The following ZNF510 variants were observed in gnomAD, a reference collection of about 807,000 sequenced individuals.
The protein encoded by ZNF510 is zinc finger protein 510.
In ZNF510, 15 loss-of-function variants were observed where a neutral mutation model predicts 18.1. The ratio of observed to expected loss-of-function variants is 0.83; its 90% confidence interval spans 0.55 to 1.28. The LOEUF (loss-of-function observed/expected upper bound fraction) is 1.28. Ranked by LOEUF, ZNF510 falls within the 50% of genes most tolerant of loss-of-function variation. The probability of loss-of-function intolerance (pLI) is 0.00; values close to 1 mark genes in which losing one functional copy is unlikely to be tolerated. For synonymous variants in ZNF510, 261 were observed against 266.4 expected (o/e 0.98, Z 0.20); for missense variants, 724 against 791.8 (o/e 0.91, Z 1.03).
chr9:96,765,412 T>G lies in ZNF510; in HGVS notation c.130-1780A>C, dbSNP rs145543534. ...CCAGATGAGGCTCAACAAGGTGATCTGCTTTCTTGTTTCAGCTCTGATACT... is the reference window on the plus strand; with the variant it reads ...CCAGATGAGGCTCAACAAGGTGATCGGCTTTCTTGTTTCAGCTCTGATACT... On this transcript the variant is annotated intron_variant, in intron 3 of 5. Coordinates refer to ENST00000223428, the MANE Select transcript of ZNF510 (RefSeq NM_014930.3). Among the ~76,000 whole-genome samples the G allele has an allele frequency of 5.9e-5, 9 of 152,334 alleles. 1 individual carries two copies. The highest frequency in any genetic ancestry group is 2.2e-4 in the African/African-American group (9 of 41,584).
Position 96,758,805 on chromosome 9 carries a change from T to C in ZNF510, c.2025A>G (p.Lys675=), listed in dbSNP as rs1450147628. The change falls in exon 6 of 6, where the codon AAA becomes AAG. Residue 675 remains lysine, a synonymous_variant. Coordinates refer to ENST00000223428, the MANE Select transcript of ZNF510 (RefSeq NM_014930.3). ...CKKSTLSLYQ[K]IQGEGNPY ...AATAGGGATTCCCCTCTCCCTGAAT[T>C]TTCTGGTATAAGCTTAGGGTAGACT... 1 of 1,590,228 alleles carries C rather than the reference T, an allele frequency of 6.3e-7. No homozygotes were observed. The highest frequency in any genetic ancestry group is 2.2e-5 in the East Asian group (1 of 44,526).
chr9:96,765,802 C>A (rs1057250300), intron 3 of ZNF510, among the ~76,000 whole-genome samples: 1 of 152,124 alleles, frequency 6.6e-6, no homozygotes, highest in Non-Finnish European at 1.5e-5. Context: ...TGAGCCACTG[C>A]GCCTGGCCGA....
At position 96,754,657 on chromosome 9, in the gene ZNF510, T is replaced by C. The variant is rs950332504; in HGVS notation, c.*4121A>G. 6.6e-6 allele frequency among the ~76,000 whole-genome samples: 1 copy of C among 152,188 alleles called. No homozygotes were observed. Among genetic ancestry groups the C allele is most frequent in the Non-Finnish European group, 1.5e-5 (1 of 68,034 alleles). ...AAGATTAAGAACAAGTTTTAAAAAT[T>C]TATAAAATACCCGTGAATAGGGAAC... On this transcript the variant is annotated 3_prime_UTR_variant, in exon 6 of 6. Transcript: ENST00000223428.
At chr9:96,770,603 CAA>C (rs60479234) in intron 3 of ZNF510, among the ~76,000 whole-genome samples, 15,023 of 140,562 alleles carry the variant, frequency 0.11, 1,778 homozygotes, top group African/African-American at 0.31. Context: ...AACTCTGTCT[CAA>C]AAAAAAAATA....
Position 96,758,802 on chromosome 9 carries a change from A to C in ZNF510, c.2028T>G (p.Ile676Met), listed in dbSNP as rs752740649. Residue 676 changes from isoleucine to methionine, a missense_variant, in exon 6 of 6, where the codon ATT (isoleucine) becomes ATG (methionine). Coordinates refer to ENST00000223428, the MANE Select transcript of ZNF510 (RefSeq NM_014930.3). The part of the protein sequence containing the change: ...KKSTLSLYQK[I>M]QGEGNPY ...ATCAATAGGGATTCCCCTCTCCCTGAATTTTCTGGTATAAGCTTAGGGTAG... is the reference window on the plus strand; with the variant it reads ...ATCAATAGGGATTCCCCTCTCCCTGCATTTTCTGGTATAAGCTTAGGGTAG... 1 of 1,589,486 alleles carries C rather than the reference A, an allele frequency of 6.3e-7. No homozygotes were observed.
At chr9:96,770,612 A>T (rs2406181) in intron 3 of ZNF510, among the ~76,000 whole-genome samples, 38,676 of 133,684 alleles carry the variant, frequency 0.29, 5,682 homozygotes, top group Non-Finnish European at 0.34. Flanking sequence ...TCAAAAAAAA[A>T]ATATATATAT....
chr9:96,758,863 T>C lies in ZNF510; in HGVS notation c.1967A>G (p.Tyr656Cys). 1 of 1,614,070 alleles carries C rather than the reference T, an allele frequency of 6.2e-7. No individual in the cohort carries two copies. Among genetic ancestry groups the C allele is most frequent in the Non-Finnish European group, 8.5e-7 (1 of 1,179,954 alleles). Residue 656 changes from tyrosine (Y) to cysteine (C), a missense_variant, in exon 6 of 6, where the codon TAT becomes TGT. Coordinates refer to ENST00000223428, the MANE Select transcript of ZNF510 (RefSeq NM_014930.3). Reference protein sequence around the residue: ...HQRTHSGEKSYECNEYGKLCK... With the variant: ...HQRTHSGEKSCECNEYGKLCK... ...TAATTTCCCATATTCATTGCATTCATAAGATTTCTCCCCACTGTGAGTCCT... is the reference window on the plus strand; with the variant it reads ...TAATTTCCCATATTCATTGCATTCACAAGATTTCTCCCCACTGTGAGTCCT...
At chr9:96,765,241 T>C (rs944173466) in intron 3 of ZNF510, among the ~76,000 whole-genome samples, 2 of 152,230 alleles carry the variant, frequency 1.3e-5, no homozygotes, top group African/African-American at 2.4e-5. Flanking sequence ...CCAATTAGCA[T>C]TTCTTATTAT....
chr9:96,768,992 G>A (rs1257931329), intron 3 of ZNF510, among the ~76,000 whole-genome samples: 1 of 152,128 alleles, frequency 6.6e-6, no homozygotes, highest in Non-Finnish European at 1.5e-5. Context: ...CAGACATACA[G>A]ATCCACAGAA....
Position 96,774,852 on chromosome 9 carries a change from G to T in ZNF510, c.71-6C>A. On this transcript the variant is annotated splice_region_variant and splice_polypyrimidine_tract_variant and intron_variant, in intron 2 of 5. Coordinates refer to ENST00000223428, the MANE Select transcript of ZNF510 (RefSeq NM_014930.3). The stretch of plus-strand genomic sequence containing the variant: ...GGAGAACCGTAAAGGATAACCTGGG[G>T]GTGAGGAAGGAGTCATGAGAGATCT... 6.2e-7 allele frequency: 1 copy of T among 1,613,608 alleles called. No individual in the cohort carries two copies. The highest frequency in any genetic ancestry group is 8.5e-7 in the Non-Finnish European group (1 of 1,179,758).
chr9:96,774,082 A>G (rs576834367), intron 3 of ZNF510, among the ~76,000 whole-genome samples: 1 of 152,356 alleles, frequency 6.6e-6, no homozygotes, highest in African/African-American at 2.4e-5. Context: ...AGGAAGTCCA[A>G]ACTGCAATAG....
At chr9:96,761,387 A>G (rs552973084) in intron 5 of ZNF510, among the ~76,000 whole-genome samples, 1 of 152,332 alleles carries the variant, frequency 6.6e-6, no homozygotes, top group South Asian at 2.1e-4. Flanking sequence ...TATTGCAAAT[A>G]TCATCTGCCA....
chr9:96,770,659 C>T (rs534071915), intron 3 of ZNF510, among the ~76,000 whole-genome samples: 14 of 151,840 alleles, frequency 9.2e-5, no homozygotes, highest in Non-Finnish European at 1.8e-4. Context: ...TATTATGTGA[C>T]TTCACTTATT....
At chr9:96,764,327 T>C (rs1849420931) in intron 3 of ZNF510, among the ~76,000 whole-genome samples, 1 of 152,208 alleles carries the variant, frequency 6.6e-6, no homozygotes, top group Admixed American at 6.5e-5. Context: ...TTTTTGTGTA[T>C]GTGTGGTAAA....
At chr9:96,760,518 CT>C in intron 5 of ZNF510, 41 bp from the exon 6 acceptor site, 1 of 1,525,332 alleles carries the variant, frequency 6.6e-7, no homozygotes, top group Non-Finnish European at 8.8e-7. Context: ...ACTCTTACAT[CT>C]TCTGTGGGTA....
At chr9:96,773,579 T>TC (rs201608882) in intron 3 of ZNF510, among the ~76,000 whole-genome samples, 4,820 of 150,190 alleles carry the variant, frequency 0.032, 208 homozygotes, top group East Asian at 0.23. Context: ...TGTTGACATC[T>TC]GTTTTTTTTT....
intron 3 of ZNF510, among the ~76,000 whole-genome samples, chr9:96,770,418 T>C (rs10117127): frequency 0.078 from 11,593 of 147,702 alleles, 1,457 homozygotes; most frequent in African/African-American, 0.27. Context: ...GGTGACACCC[T>C]GTGTCTACTA....
In ZNF510 at chr9:96,762,226, G is replaced by A. The variant is rs1196438045; in HGVS notation, c.352+892C>T. Reference sequence around the variant, plus strand: ...AATTAAAAAAAAAAAAAAAAAAAAAGAGGCCAGGCACAGTGGCTCATGCCT... The same window carrying A: ...AATTAAAAAAAAAAAAAAAAAAAAAAAGGCCAGGCACAGTGGCTCATGCCT... On this transcript the variant is annotated intron_variant, in intron 5 of 5. Coordinates refer to ENST00000223428, the MANE Select transcript of ZNF510 (RefSeq NM_014930.3). Among the ~76,000 whole-genome samples, 116 of 106,386 alleles carry A rather than the reference G, an allele frequency of 1.1e-3. 2 individuals carry two copies. Among genetic ancestry groups the A allele is most frequent in the African/African-American group, 4.2e-3 (91 of 21,916 alleles). The allele number at this position is 106,386 out of a possible 152,430, so 69.8% of individuals were successfully genotyped here.
At chr9:96,767,477 C>T (rs1849499840) in intron 3 of ZNF510, among the ~76,000 whole-genome samples, 1 of 152,070 alleles carries the variant, frequency 6.6e-6, no homozygotes, top group Non-Finnish European at 1.5e-5. Flanking sequence ...AGCTGTAACA[C>T]CTATATTAAA....
Sources: allele counts gnomAD v4.1 joint callset (sites outside exome capture counted in the v4.1 genomes callset), GRCh38; gene constraint gnomAD v4.1.1; transcripts MANE v1.5; gene names NCBI Gene and HGNC (gene_info 2026-07-23, HGNC 2026-07-21).